The following FGGY variants were observed in gnomAD, a reference collection of about 807,000 sequenced individuals.
The protein encoded by FGGY is FGGY carbohydrate kinase domain-containing protein.
A neutral mutation model predicts 71.3 loss-of-function variants in FGGY; 72 were observed. The ratio of observed to expected loss-of-function variants is 1.01; its 90% CI spans 0.84 to 1.23. The LOEUF is 1.23. FGGY is among the 50% of genes most tolerant of loss of function. The probability of loss-of-function intolerance (pLI) is 0.00; values close to 1 mark genes in which losing one functional copy is unlikely to be tolerated. For missense variants in FGGY, 668 were observed against 682.3 expected (o/e 0.98, Z 0.23); for synonymous variants, 251 against 250.3 (o/e 1.00, Z -0.02).
intron 8 of FGGY, among the ~76,000 whole-genome samples, chr1:59,590,479 C>A (rs2096409004): frequency 6.6e-6 from 1 of 152,070 alleles, no homozygotes; most frequent in Admixed American, 6.5e-5. Flanking sequence ...GGCAGAGACA[C>A]AACCAAAAAA....
chr1:59,714,524 T>C lies in FGGY; in HGVS notation c.1512+40391T>C, dbSNP rs999525186. ...GGGAATAGACAGACATGTGGTGTCT[T>C]TGGGGGATTATAGCCTAAATGGTTT... On this transcript the variant is annotated intron_variant, in intron 14 of 15. Coordinates refer to ENST00000303721, the MANE Select transcript of FGGY (RefSeq NM_018291.5). Among the ~76,000 whole-genome samples, 104 of 152,214 alleles carry C rather than the reference T, an allele frequency of 6.8e-4. 2 individuals carry two copies. Among genetic ancestry groups the C allele is most frequent in the Non-Finnish European group, 1.5e-5 (1 of 68,032 alleles).
chr1:59,378,895 A>C, intron 5 of FGGY, 58 bp downstream of exon 5: 1 of 1,403,488 alleles, frequency 7.1e-7, no homozygotes, highest in South Asian at 1.2e-5. Context: ...ATGTCTGTCT[A>C]TATATTGCTT....
chr1:59,748,432 C>G (rs530605736), intron 14 of FGGY, among the ~76,000 whole-genome samples: 4 of 152,198 alleles, frequency 2.6e-5, no homozygotes, highest in Admixed American at 2.6e-4. Context: ...ATGGAAAAAG[C>G]CAGACAGTCA....
In FGGY at chr1:59,660,303, T is replaced by A. The variant is rs1226335891; in HGVS notation, c.1296+10T>A. 38 of 1,609,450 alleles carry A rather than the reference T, an allele frequency of 2.4e-5. No homozygotes were observed. Among genetic ancestry groups the A allele is most frequent in the Non-Finnish European group, 3.1e-5 (37 of 1,177,552 alleles). On this transcript the variant is annotated intron_variant, in intron 12 of 15. Coordinates refer to ENST00000303721, the MANE Select transcript of FGGY (RefSeq NM_018291.5). ...AGTTCAAGCCATTGCTGTAAGATACTGTAATGCCATTTTTAAAGAGACTTA... is the reference window on the plus strand; with the variant it reads ...AGTTCAAGCCATTGCTGTAAGATACAGTAATGCCATTTTTAAAGAGACTTA...
chr1:59,691,894 T>C (rs936592949), intron 14 of FGGY, among the ~76,000 whole-genome samples: 4 of 152,210 alleles, frequency 2.6e-5, no homozygotes, highest in East Asian at 1.9e-4. Context: ...AGACCCCTTA[T>C]GTAAATGCCT....
intron 13 of FGGY, among the ~76,000 whole-genome samples, chr1:59,669,314 G>T (rs1474897245): frequency 6.6e-6 from 1 of 152,084 alleles, no homozygotes; most frequent in Non-Finnish European, 1.5e-5. Flanking sequence ...TGACTTTTCT[G>T]CCAAGTTTGT....
intron 2 of FGGY, among the ~76,000 whole-genome samples, chr1:59,335,416 A>T (rs115893475): frequency 6.2e-4 from 95 of 152,260 alleles, no homozygotes; most frequent in African/African-American, 2.3e-3. Flanking sequence ...GTATTCTGTT[A>T]TATGGATATA....
chr1:59,592,109 CA>C (rs1030630548), intron 8 of FGGY, among the ~76,000 whole-genome samples: 1 of 152,136 alleles, frequency 6.6e-6, no homozygotes, highest in African/African-American at 2.4e-5. Context: ...GCAACCCCAT[CA>C]AAAAGTGGGC....
chr1:59,535,143 C>A (rs1479253732), intron 7 of FGGY, among the ~76,000 whole-genome samples: 1 of 152,070 alleles, frequency 6.6e-6, no homozygotes, highest in African/African-American at 2.4e-5. Context: ...GAAGATCTAC[C>A]TAGCAAATGG....
At chr1:59,573,931 C>G (rs572784675) in intron 8 of FGGY, among the ~76,000 whole-genome samples, 3 of 152,274 alleles carry the variant, frequency 2.0e-5, no homozygotes, top group East Asian at 3.9e-4. Flanking sequence ...TAGCATATTT[C>G]CATTCTTCTT....
At chr1:59,627,571 T>C (rs2096871677) in intron 10 of FGGY, among the ~76,000 whole-genome samples, 1 of 150,878 alleles carries the variant, frequency 6.6e-6, no homozygotes, top group African/African-American at 2.4e-5. Context: ...TACATGCATA[T>C]ACTCCCTAGG....
intron 15 of FGGY, among the ~76,000 whole-genome samples, chr1:59,761,746 A>G (rs923816130): frequency 6.6e-6 from 1 of 152,198 alleles, no homozygotes; most frequent in Admixed American, 6.5e-5. Flanking sequence ...CAGCTCTAGA[A>G]AAGGCATTAG....
chr1:59,493,072 A>T (rs561513482), intron 6 of FGGY, among the ~76,000 whole-genome samples: 1 of 147,874 alleles, frequency 6.8e-6, no homozygotes, highest in East Asian at 2.0e-4. Flanking sequence ...CATACTCATT[A>T]GGATGGCTAC....
At chr1:59,561,452 A>C (rs1440660901) in intron 8 of FGGY, among the ~76,000 whole-genome samples, 1 of 152,166 alleles carries the variant, frequency 6.6e-6, no homozygotes, top group Admixed American at 6.5e-5. Context: ...CAGACTGTGC[A>C]CTCAAGAAGC....
intron 7 of FGGY, among the ~76,000 whole-genome samples, chr1:59,534,307 G>T (rs2095251419): frequency 6.6e-6 from 1 of 152,118 alleles, no homozygotes; most frequent in Non-Finnish European, 1.5e-5. Flanking sequence ...AACGAACAAA[G>T]CCTCCAAGAA....
intron 14 of FGGY, among the ~76,000 whole-genome samples, chr1:59,707,692 G>T (rs1217562427): frequency 6.6e-6 from 1 of 152,188 alleles, no homozygotes; most frequent in Non-Finnish European, 1.5e-5. Flanking sequence ...GGCTGAGTCT[G>T]TTGCTGTTCA....
intron 14 of FGGY, among the ~76,000 whole-genome samples, chr1:59,754,284 A>G (rs2098271806): frequency 6.6e-6 from 1 of 152,240 alleles, no homozygotes; most frequent in Non-Finnish European, 1.5e-5. Context: ...CCTGCCTCTG[A>G]AAACCTCTCG....
chr1:59,544,543 A>AT (rs1204094156), intron 7 of FGGY, among the ~76,000 whole-genome samples: 1 of 152,154 alleles, frequency 6.6e-6, no homozygotes, highest in Non-Finnish European at 1.5e-5. Flanking sequence ...AGTGACCTCT[A>AT]TGCCTCTATG....
chr1:59,689,606 T>C (rs758084911), intron 14 of FGGY, among the ~76,000 whole-genome samples: 18 of 152,190 alleles, frequency 1.2e-4, no homozygotes, highest in Non-Finnish European at 2.5e-4. Flanking sequence ...GCTTTCTGCT[T>C]AAGAAAAATA....
Sources: allele counts gnomAD v4.1 joint callset (sites outside exome capture counted in the v4.1 genomes callset), GRCh38; gene constraint gnomAD v4.1.1; transcripts MANE v1.5; gene names NCBI Gene and HGNC (gene_info 2026-07-23, HGNC 2026-07-21).